The following PDE3A variants were observed in gnomAD, a reference collection of about 807,000 sequenced individuals.
PDE3A encodes cGMP-inhibited 3',5'-cyclic phosphodiesterase 3A.
In PDE3A, 43 loss-of-function variants were observed where a neutral mutation model predicts 98.3. That is an observed-to-expected ratio of 0.44 (90% CI 0.34 to 0.56). PDE3A has a LOEUF of 0.56. PDE3A is among the 20% of genes least tolerant of loss of function. PDE3A has a pLI of 0.01. For synonymous variants in PDE3A, 663 were observed against 567.9 expected, an observed-to-expected ratio of 1.17 and a Z score of -2.38; for missense variants, 1,427 against 1,440.7, an observed-to-expected ratio of 0.99 and a Z score of 0.15.
intron 15 of PDE3A, among the ~76,000 whole-genome samples, chr12:20,669,504 G>C (rs1945412493): frequency 6.6e-6 from 1 of 151,904 alleles, no homozygotes; most frequent in Admixed American, 6.6e-5. Context: ...AGATCTCTCG[G>C]CAGAAACCCT....
intron 1 of PDE3A, among the ~76,000 whole-genome samples, chr12:20,420,517 C>T (rs1394951063): frequency 6.6e-6 from 1 of 152,058 alleles, no homozygotes; most frequent in East Asian, 1.9e-4. Context: ...GGACTCTTGG[C>T]CAAGAGTTAA....
intron 1 of PDE3A, among the ~76,000 whole-genome samples, chr12:20,457,571 A>G (rs1289284274): frequency 6.6e-6 from 1 of 151,730 alleles, no homozygotes; most frequent in Non-Finnish European, 1.5e-5. Context: ...AAATTATTAT[A>G]TAATGTTATC....
rs909529196 is a variant in PDE3A, at chr12:20,681,766, G to C, written c.*1495G>C. On this transcript the variant is annotated 3_prime_UTR_variant, in exon 16 of 16. Coordinates refer to ENST00000359062, the MANE Select transcript of PDE3A (RefSeq NM_000921.5). ...TTGGTTTGTTTGTTTATCTACACTT[G>C]TTTATGCTGTGAGCCAAACCTCTAT... 2 of 151,798 alleles carry C rather than the reference G, an allele frequency of 1.3e-5. No individual in the cohort carries two copies. Among genetic ancestry groups the C allele is most frequent in the East Asian group, 3.9e-4 (2 of 5,184 alleles). The allele number at this position is 151,798 out of a possible 1,614,324, so 9.4% of individuals were successfully genotyped here.
intron 2 of PDE3A, 25 bp from the exon 3 acceptor site, chr12:20,613,418 G>A (rs1464773516): frequency 1.9e-6 from 3 of 1,612,604 alleles, no homozygotes; most frequent in African/African-American, 1.3e-5. Context: ...TTTCTTGCCT[G>A]ATCTTGTCTT....
intron 2 of PDE3A, among the ~76,000 whole-genome samples, chr12:20,568,179 G>A (rs1348560412): frequency 6.6e-6 from 1 of 151,876 alleles, no homozygotes. Context: ...AGATGCTTAT[G>A]TAGATGTTAT....
chr12:20,676,132 C>T (rs146368503), intron 15 of PDE3A, among the ~76,000 whole-genome samples: 27 of 151,778 alleles, frequency 1.8e-4, no homozygotes, highest in African/African-American at 6.3e-4. Flanking sequence ...CATTTGATTC[C>T]TTTCATTTCC....
chr12:20,682,727 A>C lies in PDE3A; in HGVS notation c.*2456A>C, dbSNP rs1366133856. On this transcript the variant is annotated 3_prime_UTR_variant, in exon 16 of 16. Transcript: ENST00000359062. Reference sequence around the variant, plus strand: ...TTTTTCTTTCCTTGCAATTAAGGGGAAAAAAGCATTTATCTTATCTTCTCA... The same window carrying C: ...TTTTTCTTTCCTTGCAATTAAGGGGCAAAAAGCATTTATCTTATCTTCTCA... 1 of 152,178 alleles carries C rather than the reference A, an allele frequency of 6.6e-6. No individual in the cohort carries two copies. The highest frequency in any genetic ancestry group is 2.4e-5 in the African/African-American group (1 of 41,448). The allele number at this position is 152,178 out of a possible 1,614,324, so 9.4% of individuals were successfully genotyped here. A position where few individuals can be genotyped will look rare whatever the true frequency, so the allele number is the denominator to read the frequency against.
At chr12:20,473,669 A>C (rs1945479695) in intron 1 of PDE3A, among the ~76,000 whole-genome samples, 1 of 152,046 alleles carries the variant, frequency 6.6e-6, no homozygotes, top group African/African-American at 2.4e-5. Flanking sequence ...CATAGCATGG[A>C]TCTCTTAAAA....
chr12:20,406,834 C>G (rs542841130), intron 1 of PDE3A, among the ~76,000 whole-genome samples: 1 of 152,182 alleles, frequency 6.6e-6, no homozygotes, highest in African/African-American at 2.4e-5. Context: ...GGCTTCAGGT[C>G]TTACATTTAA....
At position 20,613,516 on chromosome 12, in the gene PDE3A, C is replaced by G. The variant is rs1441820733; in HGVS notation, c.1085C>G (p.Ala362Gly). Residue 362 changes from alanine to glycine, a missense_variant, in exon 3 of 16, where the codon GCA becomes GGA. Ala to Gly is a moderately conservative substitution (Grantham distance 60). Around this residue, in one of 3 missense-constraint regions of PDE3A, gnomAD observed 1,012 missense variants for 886.5 expected, o/e 1.14. Transcript: ENST00000359062. Reference protein sequence around the residue: ...EAHGLITDLLADPSLPPNVCT... With the variant: ...EAHGLITDLLGDPSLPPNVCT... ...CACGGCCTCATTACCGACCTCCTGGCAGACCCTTCTCTTCCACCAAACGTG... is the reference window on the plus strand; with the variant it reads ...CACGGCCTCATTACCGACCTCCTGGGAGACCCTTCTCTTCCACCAAACGTG... 1 of 1,614,024 alleles carries G rather than the reference C, an allele frequency of 6.2e-7. No homozygotes were observed. Among genetic ancestry groups the G allele is most frequent in the African/African-American group, 1.3e-5 (1 of 75,066 alleles).
At chr12:20,507,732 C>T (rs1285072785) in intron 1 of PDE3A, among the ~76,000 whole-genome samples, 1 of 152,054 alleles carries the variant, frequency 6.6e-6, no homozygotes, top group Non-Finnish European at 1.5e-5. Context: ...CTCTGTTACA[C>T]CTCACATCCA....
At chr12:20,457,084 A>G (rs1210230744) in intron 1 of PDE3A, among the ~76,000 whole-genome samples, 1 of 72,358 alleles carries the variant, frequency 1.4e-5, no homozygotes, top group African/African-American at 3.8e-5. Flanking sequence ...AACCACATAA[A>G]ACAAACAAAA....
At chr12:20,386,039 A>AAAATATATAT (rs1477854803) in intron 1 of PDE3A, among the ~76,000 whole-genome samples, 1 of 80,674 alleles carries the variant, frequency 1.2e-5, no homozygotes, top group Non-Finnish European at 2.3e-5. Flanking sequence ...AAATATATAT[A>AAAATATATAT]AAATATATAT....
chr12:20,470,997 C>G (rs116371807), intron 1 of PDE3A, among the ~76,000 whole-genome samples: 2,814 of 152,138 alleles, frequency 0.018, 82 homozygotes, highest in African/African-American at 0.064. Flanking sequence ...ATCCAAGGAG[C>G]AAGCCGTCAT....
At chr12:20,530,220 G>A (rs951062371) in intron 1 of PDE3A, among the ~76,000 whole-genome samples, 2 of 152,154 alleles carry the variant, frequency 1.3e-5, no homozygotes, top group African/African-American at 4.8e-5. Context: ...TCTTTGCTTA[G>A]CGTAAACACT....
intron 1 of PDE3A, among the ~76,000 whole-genome samples, chr12:20,417,356 G>T (rs1944437639): frequency 6.6e-6 from 1 of 151,992 alleles, no homozygotes. Flanking sequence ...GATTTATTTG[G>T]AAACAGATTA....
At chr12:20,420,259 A>G (rs1944490048) in intron 1 of PDE3A, among the ~76,000 whole-genome samples, 1 of 152,168 alleles carries the variant, frequency 6.6e-6, no homozygotes, top group Non-Finnish European at 1.5e-5. Context: ...ACTATTTGGC[A>G]GTATTCTTGG....
intron 1 of PDE3A, among the ~76,000 whole-genome samples, chr12:20,380,907 G>A (rs1019385881): frequency 3.3e-5 from 5 of 151,798 alleles, no homozygotes; most frequent in Non-Finnish European, 7.4e-5. Flanking sequence ...CATTTTAGAA[G>A]CAAAATCATT....
rs1426839860 is a variant in PDE3A at position 20,680,997 on chromosome 12, CAGAA to C, written c.*727_*730del. 2 of 152,052 alleles carry C rather than the reference CAGAA, an allele frequency of 1.3e-5. No homozygotes were observed. Among genetic ancestry groups the C allele is most frequent in the African/African-American group, 4.8e-5 (2 of 41,384 alleles). The allele number at this position is 152,052 out of a possible 1,614,324, so 9.4% of individuals were successfully genotyped here. On this transcript the variant is annotated 3_prime_UTR_variant, in exon 16 of 16. Transcript: ENST00000359062. ...AAATGACTGAATACATGTGAACAAA[CAGAA>C]GGAAGTTCACTCTGGAGTGTCTTTG...
Sources: allele counts gnomAD v4.1 joint callset (sites outside exome capture counted in the v4.1 genomes callset), GRCh38; gene constraint gnomAD v4.1.1; regional missense constraint gnomAD v4.1.1; transcripts MANE v1.5; gene names NCBI Gene and HGNC (gene_info 2026-07-23, HGNC 2026-07-21).